PKIB: variants seen among roughly 807,000 people sequenced by gnomAD.
PKIB encodes the protein cAMP-dependent protein kinase inhibitor beta.
PKIB carries 2 observed loss-of-function variants against 4.5 expected under a neutral mutation model. That is an observed-to-expected ratio of 0.44 (90% CI 0.18 to 1.39). The LOEUF (loss-of-function observed/expected upper bound fraction) is 1.39. Among genes scored for constraint, PKIB ranks in the 40% most tolerant of loss-of-function variants. PKIB has a pLI of 0.27. For missense variants in PKIB, 94 were observed against 92.6 expected (o/e 1.02, Z -0.06); for synonymous variants, 38 against 36.0 (o/e 1.06, Z -0.20).
Position 122,641,123 on chromosome 6 carries a change from A to G in PKIB, c.-76+7756A>G, listed in dbSNP as rs563561917. Reference sequence around the variant, plus strand: ...GAATTAGTATGCATTGTTCCAGTCTATTTTATATTTTCACTCATGTATTTA... The same window carrying G: ...GAATTAGTATGCATTGTTCCAGTCTGTTTTATATTTTCACTCATGTATTTA... On this transcript the variant is annotated intron_variant, in intron 2 of 4. Coordinates refer to ENST00000368452, the MANE Select transcript of PKIB (RefSeq NM_181795.3). 1.2e-4 allele frequency among the ~76,000 whole-genome samples: 18 copies of G among 152,310 alleles called. 1 individual carries two copies. Among genetic ancestry groups the G allele is most frequent in the Middle Eastern group, 6.8e-3 (2 of 294 alleles).
intron 2 of PKIB, 92 bp downstream of exon 2, chr6:122,633,459 T>A (rs1333948229): frequency 2.0e-5 from 3 of 152,176 alleles, no homozygotes; most frequent in African/African-American, 7.2e-5. Context: ...TAAAGCCAGA[T>A]GACAGCAAAG....
chr6:122,602,278 T>C (rs976401003), intron 3 of PKIB, among the ~76,000 whole-genome samples: 1 of 152,148 alleles, frequency 6.6e-6, no homozygotes, highest in African/African-American at 2.4e-5. Context: ...AGTGTGGACT[T>C]AAAACCACTT....
At position 122,717,652 on chromosome 6, in the gene PKIB, A is replaced by T. The variant is rs1177508182; in HGVS notation, c.-8-135A>T. 3.6e-6 allele frequency: 3 copies of T among 844,430 alleles called. No homozygotes were observed. In the African/African-American group the frequency reaches 5.0e-5, roughly 14 times the overall value. The allele number at this position is 844,430 out of a possible 1,614,324, so 52.3% of individuals were successfully genotyped here. A position where few individuals can be genotyped will look rare whatever the true frequency, so the allele number is the denominator to read the frequency against. On this transcript the variant is annotated intron_variant, in intron 3 of 4. Transcript: ENST00000368452. ...ATGCTGCAGGACCGTAACAGTAGAC[A>T]TTGATGAAGGTTGTGATCAATGATT...
intron 1 of PKIB, among the ~76,000 whole-genome samples, chr6:122,628,802 A>G (rs1775572948): frequency 6.6e-6 from 1 of 152,160 alleles, no homozygotes; most frequent in South Asian, 2.1e-4. Flanking sequence ...CACAATTTAA[A>G]TTCTCTCCTC....
chr6:122,552,035 C>T (rs1360992131), intron 2 of PKIB, among the ~76,000 whole-genome samples: 1 of 152,012 alleles, frequency 6.6e-6, no homozygotes, highest in African/African-American at 2.4e-5. Context: ...CTGCTCTCTC[C>T]ACTGCTACTT....
intron 3 of PKIB, among the ~76,000 whole-genome samples, chr6:122,595,057 G>C (rs1774135648): frequency 6.6e-6 from 1 of 152,136 alleles, no homozygotes; most frequent in Non-Finnish European, 1.5e-5. Context: ...CTGGAACTGA[G>C]GTCTCTAGGC....
At chr6:122,612,721 A>G (rs1231148100) in intron 1 of PKIB, among the ~76,000 whole-genome samples, 1 of 152,120 alleles carries the variant, frequency 6.6e-6, no homozygotes, top group Non-Finnish European at 1.5e-5. Flanking sequence ...TGTTTCCAAT[A>G]TGGGAATATT....
chr6:122,713,762 T>C (rs1357317183), intron 3 of PKIB, among the ~76,000 whole-genome samples: 1 of 152,224 alleles, frequency 6.6e-6, no homozygotes, highest in East Asian at 1.9e-4. Flanking sequence ...TATATGCTCA[T>C]TAGTAAAAGT....
intron 2 of PKIB, among the ~76,000 whole-genome samples, chr6:122,562,845 A>C (rs994507755): frequency 6.6e-5 from 10 of 151,740 alleles, no homozygotes; most frequent in African/African-American, 2.4e-4. Flanking sequence ...ATTTCTTTGA[A>C]TATTTCTCCC....
intron 2 of PKIB, among the ~76,000 whole-genome samples, chr6:122,502,381 A>G (rs930125294): frequency 2.0e-5 from 3 of 151,782 alleles, no homozygotes; most frequent in Non-Finnish European, 4.4e-5. Flanking sequence ...TGGGTAGTTT[A>G]TGGAGAAAAG....
chr6:122,507,543 C>T lies in PKIB; in HGVS notation c.-248+29604C>T, dbSNP rs140992015. 2.8e-3 allele frequency among the ~76,000 whole-genome samples: 422 copies of T among 150,130 alleles called. 2 individuals are homozygous for T. Among genetic ancestry groups the T allele is most frequent in the African/African-American group, 9.7e-3 (397 of 40,760 alleles). On this transcript the variant is annotated intron_variant, in intron 2 of 6. Coordinates refer to the PKIB transcript ENST00000392491. ...TGTTTTTTTTGTAAGTTGGGTCCAT[C>T]ATTTGATTTGTTTTCAAGCTGGTGG...
chr6:122,718,787 T>C (rs12197460), intron 4 of PKIB, among the ~76,000 whole-genome samples: 43,805 of 151,858 alleles, frequency 0.29, 6,732 homozygotes, highest in South Asian at 0.41. Context: ...CTTCAGGAGG[T>C]TATTTACTAC....
At chr6:122,609,407 T>C (rs1774658078), upstream of PKIB, among the ~76,000 whole-genome samples, 1 of 152,254 alleles carries the variant, frequency 6.6e-6, no homozygotes, top group Non-Finnish European at 1.5e-5. Context: ...TATTGAATAA[T>C]TTAAAGAACT....
chr6:122,636,457 A>T (rs1263147480), intron 2 of PKIB, among the ~76,000 whole-genome samples: 1 of 152,068 alleles, frequency 6.6e-6, no homozygotes, highest in Non-Finnish European at 1.5e-5. Flanking sequence ...ATTAAATATT[A>T]TATAGCTATG....
At chr6:122,668,977 G>A (rs113767881) in intron 2 of PKIB, among the ~76,000 whole-genome samples, 15 of 152,158 alleles carry the variant, frequency 9.9e-5, no homozygotes, top group Admixed American at 1.3e-4. Flanking sequence ...AACTTTAGGA[G>A]ACTAAGGTGG....
chr6:122,563,247 C>T (rs1421044924), intron 2 of PKIB, among the ~76,000 whole-genome samples: 2 of 152,092 alleles, frequency 1.3e-5, no homozygotes, highest in African/African-American at 2.4e-5. Context: ...TGGGTCTAGC[C>T]ACCCAGTAAG....
At chr6:122,656,804 A>G (rs1776792815) in intron 2 of PKIB, among the ~76,000 whole-genome samples, 1 of 152,202 alleles carries the variant, frequency 6.6e-6, no homozygotes. Context: ...AATGATCCAT[A>G]TGTTTGCTCT....
rs958456018 is a variant in PKIB, at chr6:122,500,908, G to A, written c.-248+22969G>A. 1.4e-4 allele frequency among the ~76,000 whole-genome samples: 22 copies of A among 152,122 alleles called. 2 individuals are homozygous for A. Among genetic ancestry groups the A allele is most frequent in the Admixed American group, 2.0e-4 (3 of 15,278 alleles). The stretch of plus-strand genomic sequence containing the variant: ...CAGGAGAGAGAGAGCAAAGGTGGAA[G>A]CACTACATACTTTTAAACAACCAGA... On this transcript the variant is annotated intron_variant, in intron 2 of 6. Coordinates refer to the PKIB transcript ENST00000392491.
chr6:122,498,744 C>T (rs996613433), intron 2 of PKIB, among the ~76,000 whole-genome samples: 1 of 151,918 alleles, frequency 6.6e-6, no homozygotes, highest in Admixed American at 6.6e-5. Context: ...AACGAAGAGG[C>T]AAAAATCCTT....
Sources: allele counts gnomAD v4.1 joint callset (sites outside exome capture counted in the v4.1 genomes callset), GRCh38; gene constraint gnomAD v4.1.1; transcripts MANE v1.5; gene names NCBI Gene and HGNC (gene_info 2026-07-23, HGNC 2026-07-21).